The following MARCHF3 variants were observed in gnomAD, a reference collection of about 807,000 sequenced individuals.
MARCHF3 encodes E3 ubiquitin-protein ligase MARCHF3.
In MARCHF3, 13 loss-of-function variants were observed where a neutral mutation model predicts 24.2. The observed-to-expected ratio is 0.54, with a 90% confidence interval of 0.35 to 0.85. The LOEUF is 0.85. Ranked by LOEUF, MARCHF3 falls within the 40% of genes least tolerant of loss-of-function variation. The pLI, the probability that MARCHF3 is intolerant of heterozygous loss-of-function variation, is 0.01. For missense variants in MARCHF3, 276 were observed against 325.0 expected, an observed-to-expected ratio of 0.85 and a Z score of 1.16; for synonymous variants, 144 against 137.3, an observed-to-expected ratio of 1.05 and a Z score of -0.34.
At chr5:127,007,793 T>G (rs1196938047) in intron 1 of MARCHF3, among the ~76,000 whole-genome samples, 1 of 152,198 alleles carries the variant, frequency 6.6e-6, no homozygotes, top group East Asian at 1.9e-4. Flanking sequence ...TTGTCAGAAT[T>G]CTTTTTAAGC....
chr5:126,878,462 G>T, intron 3 of MARCHF3, 68 bp from the exon 4 acceptor site: 1 of 1,464,172 alleles, frequency 6.8e-7, no homozygotes, highest in Non-Finnish European at 9.3e-7. Flanking sequence ...GTGGAGACAC[G>T]CTGTTCTGAA....
intron 4 of MARCHF3, among the ~76,000 whole-genome samples, chr5:126,872,650 G>A (rs1753011014): frequency 6.6e-6 from 1 of 152,142 alleles, no homozygotes; most frequent in African/African-American, 2.4e-5. Context: ...TAGATGAAAG[G>A]CAGGCCCTTG....
At chr5:126,925,820 T>TCATGGGGCAAA (rs1446541045) in intron 1 of MARCHF3, among the ~76,000 whole-genome samples, 2 of 152,132 alleles carry the variant, frequency 1.3e-5, no homozygotes, top group Non-Finnish European at 2.9e-5. Context: ...CATGGGACAT[T>TCATGGGGCAAA]ACTCAGGGAT....
chr5:126,983,698 G>A (rs921967585), intron 1 of MARCHF3, among the ~76,000 whole-genome samples: 1 of 151,210 alleles, frequency 6.6e-6, no homozygotes, highest in East Asian at 1.9e-4. Flanking sequence ...CAGGTCCCTC[G>A]CTTTCCAACT....
In MARCHF3 at chr5:126,889,537, C is replaced by T. The variant is rs991656754; in HGVS notation, c.394-11143G>A. ...AAATACAATGCACACGGAAAACAGA[C>T]GACAGAGCAGACAATGTCACCACAT... On this transcript the variant is annotated intron_variant, in intron 3 of 4. Transcript: ENST00000308660. Among the ~76,000 whole-genome samples, 17 of 152,000 alleles carry T rather than the reference C, an allele frequency of 1.1e-4. No individual in the cohort carries two copies. The East Asian group carries it at 2.1e-3, about 19-fold the overall frequency.
At chr5:126,993,581 G>C (rs765803413) in intron 1 of MARCHF3, among the ~76,000 whole-genome samples, 6 of 152,174 alleles carry the variant, frequency 3.9e-5, no homozygotes, top group Non-Finnish European at 7.3e-5. Context: ...TGGCTCAGTA[G>C]ATTTTCTGAG....
intron 1 of MARCHF3, among the ~76,000 whole-genome samples, chr5:126,992,063 T>A (rs1166769051): frequency 6.6e-6 from 1 of 152,174 alleles, no homozygotes; most frequent in Non-Finnish European, 1.5e-5. Context: ...CCTGTGGGCT[T>A]AGTTAATGCT....
At chr5:126,948,455 G>A (rs777793968) in intron 1 of MARCHF3, among the ~76,000 whole-genome samples, 5 of 152,196 alleles carry the variant, frequency 3.3e-5, no homozygotes, top group Non-Finnish European at 7.3e-5. Context: ...ACTAGGATTT[G>A]TTCAGAAACA....
chr5:126,882,417 G>A (rs1753373488), intron 3 of MARCHF3, among the ~76,000 whole-genome samples: 1 of 152,068 alleles, frequency 6.6e-6, no homozygotes, highest in Non-Finnish European at 1.5e-5. Flanking sequence ...ACCACGATGA[G>A]GTCTAATTTC....
chr5:126,917,974 G>A lies in MARCHF3; in HGVS notation c.188+10C>T, dbSNP rs1421692309. ...AATTACAGATTCATTTATTTTAATTGTGGTACTACCTCTGGGTGGCAAGAG... is the reference window on the plus strand; with the variant it reads ...AATTACAGATTCATTTATTTTAATTATGGTACTACCTCTGGGTGGCAAGAG... On this transcript the variant is annotated intron_variant, in intron 2 of 4. Coordinates refer to ENST00000308660, the MANE Select transcript of MARCHF3 (RefSeq NM_178450.5). 1.2e-6 allele frequency: 2 copies of A among 1,608,264 alleles called. No homozygotes were observed. The highest frequency in any genetic ancestry group is 1.7e-5 in the Admixed American group (1 of 59,182).
intron 1 of MARCHF3, among the ~76,000 whole-genome samples, chr5:127,025,094 C>T (rs1752952609): frequency 6.6e-6 from 1 of 151,828 alleles, no homozygotes. Context: ...AGGAATAAGC[C>T]AAGAAGTAAC....
chr5:126,870,816 G>A, intron 4 of MARCHF3, 25 bp from the exon 5 acceptor site: 2 of 1,612,326 alleles, frequency 1.2e-6, no homozygotes, highest in Non-Finnish European at 1.7e-6. Flanking sequence ...GGAAAAGTAA[G>A]AGAAAAGAAT....
intron 3 of MARCHF3, among the ~76,000 whole-genome samples, chr5:126,903,563 A>G (rs1291448826): frequency 6.6e-6 from 1 of 152,084 alleles, no homozygotes; most frequent in East Asian, 1.9e-4. Context: ...TTCAATGAAT[A>G]TTAAAAATCA....
chr5:126,870,793 T>G lies in MARCHF3; in HGVS notation c.604-2A>C. ...TCGACAGTGGTACCTAAATGACACC[T>G]GGGGATGGGAGAGGAAAAGTAAGAG... On this transcript the variant is annotated splice_acceptor_variant, in intron 4 of 4. Coordinates refer to ENST00000308660, the MANE Select transcript of MARCHF3 (RefSeq NM_178450.5). LOFTEE classifies it high-confidence loss of function. 1.9e-6 allele frequency: 3 copies of G among 1,613,666 alleles called. No homozygotes were observed. The highest frequency in any genetic ancestry group is 2.5e-6 in the Non-Finnish European group (3 of 1,179,684).
chr5:126,954,294 C>G (rs1750360209), intron 1 of MARCHF3, among the ~76,000 whole-genome samples: 1 of 151,718 alleles, frequency 6.6e-6, no homozygotes, highest in South Asian at 2.1e-4. Flanking sequence ...CGTGATCCGC[C>G]CGCCTCGGCC....
chr5:126,965,053 A>T (rs984636671), intron 1 of MARCHF3, among the ~76,000 whole-genome samples: 1 of 151,608 alleles, frequency 6.6e-6, no homozygotes. Context: ...GGGAATTTAC[A>T]TCCTAGAACA....
chr5:126,905,958 T>C (rs974388408), intron 3 of MARCHF3, among the ~76,000 whole-genome samples: 18 of 152,084 alleles, frequency 1.2e-4, no homozygotes, highest in Non-Finnish European at 2.2e-4. Flanking sequence ...GGGTTTGTCA[T>C]AGATAGCGCT....
chr5:126,919,736 T>C (rs1290949244), intron 1 of MARCHF3, among the ~76,000 whole-genome samples: 1 of 152,220 alleles, frequency 6.6e-6, no homozygotes, highest in East Asian at 1.9e-4. Context: ...CGGACGTGAT[T>C]GTCATCCCTT....
intron 3 of MARCHF3, among the ~76,000 whole-genome samples, chr5:126,879,215 T>C (rs1753271182): frequency 6.6e-6 from 1 of 152,236 alleles, no homozygotes; most frequent in African/African-American, 2.4e-5. Flanking sequence ...GTCTTGTTTC[T>C]CCTGGACTTC....
Sources: gnomAD v4.1 joint callset for allele counts (sites outside exome capture counted in the v4.1 genomes callset) on GRCh38, gnomAD v4.1.1 for gene constraint, MANE v1.5 for transcripts, NCBI Gene and HGNC (gene_info 2026-07-23, HGNC 2026-07-21) for gene names.